The following NOL4 variants were observed in gnomAD, a reference collection of about 807,000 sequenced individuals.
NOL4 encodes nucleolar protein 4.
Under a neutral mutation model 75.9 loss-of-function variants are expected in NOL4, and 17 were observed. The ratio of observed to expected loss-of-function variants is 0.22; its 90% CI spans 0.15 to 0.34. The LOEUF is 0.34. Ranked by LOEUF, NOL4 falls within the 10% of genes least tolerant of loss-of-function variation. NOL4 has a pLI of 1.00. For missense variants in NOL4, 614 were observed against 793.5 expected, an observed-to-expected ratio of 0.77 and a Z score of 2.72; for synonymous variants, 292 against 289.9, an observed-to-expected ratio of 1.01 and a Z score of -0.07.
intron 1 of NOL4, among the ~76,000 whole-genome samples, chr18:34,134,447 GACACACAC>G (rs199707766): frequency 0.071 from 9,575 of 133,928 alleles, 366 homozygotes; most frequent in East Asian, 0.13. Flanking sequence ...GACTCCAAGT[GACACACAC>G]ACACACACAC....
chr18:34,164,635 T>G (rs1221969664), intron 1 of NOL4, among the ~76,000 whole-genome samples: 1 of 152,092 alleles, frequency 6.6e-6, no homozygotes, highest in Non-Finnish European at 1.5e-5. Flanking sequence ...ACTTTTACAC[T>G]GTTGGTGGGA....
At chr18:34,039,966 G>A (rs1282301854) in intron 5 of NOL4, among the ~76,000 whole-genome samples, 1 of 151,932 alleles carries the variant, frequency 6.6e-6, no homozygotes, top group Non-Finnish European at 1.5e-5. Context: ...CCATCTAACT[G>A]TAGGCTAATG....
chr18:33,983,523 C>T (rs554572604), intron 6 of NOL4, among the ~76,000 whole-genome samples: 38 of 151,728 alleles, frequency 2.5e-4, no homozygotes, highest in Non-Finnish European at 3.8e-4. Flanking sequence ...TATATGTATA[C>T]ACATATTTAT....
intron 1 of NOL4, among the ~76,000 whole-genome samples, chr18:34,168,028 C>T (rs181449842): frequency 6.6e-6 from 1 of 151,912 alleles, no homozygotes; most frequent in East Asian, 1.9e-4. Flanking sequence ...ATAAATCTGT[C>T]TAGTCACTTT....
chr18:34,101,210 G>T (rs752959719), intron 4 of NOL4, among the ~76,000 whole-genome samples: 2 of 152,156 alleles, frequency 1.3e-5, no homozygotes, highest in South Asian at 4.1e-4. Flanking sequence ...AAAACCCTTG[G>T]CATTAGCTTC....
chr18:34,188,375 A>C (rs2146381974), intron 1 of NOL4, among the ~76,000 whole-genome samples: 1 of 152,334 alleles, frequency 6.6e-6, no homozygotes, highest in African/African-American at 2.4e-5. Context: ...CATTTTGATA[A>C]ATGTATATAT....
intron 9 of NOL4, among the ~76,000 whole-genome samples, chr18:33,926,367 A>C (rs941470967): frequency 3.3e-5 from 5 of 150,290 alleles, no homozygotes; most frequent in African/African-American, 7.3e-5. Context: ...TCAAAAAAAA[A>C]AAAAAAAAAA....
chr18:33,943,771 G>T (rs1341170249), intron 8 of NOL4, among the ~76,000 whole-genome samples: 1 of 151,830 alleles, frequency 6.6e-6, no homozygotes, highest in Non-Finnish European at 1.5e-5. Flanking sequence ...TGTGAGATAT[G>T]TTTGCCTATG....
At chr18:34,075,460 T>G (rs1229027438) in intron 5 of NOL4, among the ~76,000 whole-genome samples, 4 of 152,176 alleles carry the variant, frequency 2.6e-5, no homozygotes, top group Non-Finnish European at 5.9e-5. Flanking sequence ...GTTGGGTGCA[T>G]GCATTTTGAC....
intron 1 of NOL4, among the ~76,000 whole-genome samples, chr18:34,175,311 A>C (rs998160293): frequency 2.6e-5 from 4 of 152,126 alleles, no homozygotes; most frequent in Non-Finnish European, 4.4e-5. Context: ...AGTGTGAAAA[A>C]CCTTCTCCTC....
At chr18:33,904,174 T>G (rs189405408) in intron 9 of NOL4, among the ~76,000 whole-genome samples, 1 of 152,102 alleles carries the variant, frequency 6.6e-6, no homozygotes. Flanking sequence ...TTAACTAGCT[T>G]TAAGTCATTT....
chr18:34,187,563 T>C (rs2034582197), intron 1 of NOL4, among the ~76,000 whole-genome samples: 1 of 151,916 alleles, frequency 6.6e-6, no homozygotes, highest in South Asian at 2.1e-4. Flanking sequence ...CTTTTTTGTA[T>C]TTTTTAGTAG....
chr18:33,964,585 C>T (rs1427642554), intron 6 of NOL4, among the ~76,000 whole-genome samples: 2 of 152,110 alleles, frequency 1.3e-5, no homozygotes, highest in African/African-American at 4.8e-5. Flanking sequence ...AATCTAGAAA[C>T]AGTGGTTCTC....
chr18:33,864,462 C>G (rs1283117023), intron 10 of NOL4, among the ~76,000 whole-genome samples: 2 of 152,130 alleles, frequency 1.3e-5, no homozygotes, highest in African/African-American at 4.8e-5. Context: ...TGCTCCAGTT[C>G]CCAAGAAGTT....
chr18:33,892,011 T>C (rs1329113246), intron 9 of NOL4, among the ~76,000 whole-genome samples: 1 of 152,170 alleles, frequency 6.6e-6, no homozygotes, highest in East Asian at 1.9e-4. Flanking sequence ...AAAAGTTTAA[T>C]ATAAAGTTAA....
intron 6 of NOL4, among the ~76,000 whole-genome samples, chr18:33,982,625 C>CA (rs1466418627): frequency 6.6e-6 from 1 of 150,724 alleles, no homozygotes. Context: ...GAGACTTCAA[C>CA]AAATGTTAGA....
At chr18:33,879,642 C>T (rs148991738) in intron 10 of NOL4, among the ~76,000 whole-genome samples, 124 of 152,108 alleles carry the variant, frequency 8.2e-4, no homozygotes, top group African/African-American at 2.9e-3. Flanking sequence ...GGGCACACCA[C>T]TACACTCCAG....
rs560805605 is a variant in NOL4, at chr18:34,190,494, C to A, written c.264+32496G>T. Among the ~76,000 whole-genome samples, 312 of 151,890 alleles carry A rather than the reference C, an allele frequency of 2.1e-3. 1 individual carries two copies. Among genetic ancestry groups the A allele is most frequent in the African/African-American group, 7.2e-3 (298 of 41,484 alleles). ...TTCAAAATTTATATGAATAAATGTG[C>A]TGTCCTTTATATATGAAGGTAGAAT... On this transcript the variant is annotated intron_variant, in intron 1 of 10. Transcript: ENST00000261592.
chr18:33,948,768 C>T (rs1169852886), intron 8 of NOL4, among the ~76,000 whole-genome samples: 2 of 151,890 alleles, frequency 1.3e-5, no homozygotes, highest in East Asian at 1.9e-4. Flanking sequence ...AGGAACTGTG[C>T]CAAGTTTAGA....
Sources: allele counts gnomAD v4.1 joint callset (sites outside exome capture counted in the v4.1 genomes callset), GRCh38; gene constraint gnomAD v4.1.1; transcripts MANE v1.5; gene names NCBI Gene and HGNC (gene_info 2026-07-23, HGNC 2026-07-21).